OPCML: variants seen among roughly 807,000 people sequenced by gnomAD.
The protein encoded by OPCML is opioid binding protein/cell adhesion molecule like.
In OPCML, 13 loss-of-function variants were observed where a neutral mutation model predicts 37.8. That is an observed-to-expected ratio of 0.34 (90% CI 0.22 to 0.55). OPCML has a LOEUF of 0.55. Among genes scored for constraint, OPCML ranks in the 20% least tolerant of loss-of-function variants. The probability of loss-of-function intolerance (pLI) is 0.91; values close to 1 mark genes in which losing one functional copy is unlikely to be tolerated. For missense variants in OPCML, 341 were observed against 435.6 expected, an observed-to-expected ratio of 0.78 and a Z score of 1.93; for synonymous variants, 176 against 168.8, an observed-to-expected ratio of 1.04 and a Z score of -0.33.
intron 1 of OPCML, among the ~76,000 whole-genome samples, chr11:133,013,243 A>T (rs2136880665): frequency 6.6e-6 from 1 of 152,324 alleles, no homozygotes; most frequent in African/African-American, 2.4e-5. Context: ...TAAAAAACAC[A>T]AGAACATTTT....
At chr11:132,898,783 T>C (rs1316479810) in intron 2 of OPCML, among the ~76,000 whole-genome samples, 3 of 151,968 alleles carry the variant, frequency 2.0e-5, no homozygotes, top group Non-Finnish European at 4.4e-5. Flanking sequence ...CCAGAGAGAG[T>C]AATGTTTCCA....
intron 2 of OPCML, among the ~76,000 whole-genome samples, chr11:132,839,688 C>T (rs1027672008): frequency 6.6e-6 from 1 of 152,170 alleles, no homozygotes; most frequent in Admixed American, 6.5e-5. Context: ...TCCCTCCTCC[C>T]TCTCACTCTC....
chr11:133,316,542 G>A (rs1002827592), intron 1 of OPCML, among the ~76,000 whole-genome samples: 3 of 152,144 alleles, frequency 2.0e-5, no homozygotes, highest in African/African-American at 7.2e-5. Flanking sequence ...ATGATGGGTT[G>A]ATGGGTGCAG....
At chr11:132,429,992 G>T (rs1401149841) in intron 7 of OPCML, among the ~76,000 whole-genome samples, 1 of 152,170 alleles carries the variant, frequency 6.6e-6, no homozygotes. Context: ...ACATAAGCCA[G>T]AAGTGGGGCA....
intron 2 of OPCML, 99 bp downstream of exon 2, chr11:132,942,827 G>A (rs1945626837): frequency 6.7e-7 from 1 of 1,488,496 alleles, no homozygotes; most frequent in East Asian, 2.3e-5. Flanking sequence ...AGGCCCACTC[G>A]CGTTCCGGTC....
chr11:132,882,147 C>G (rs533056426), intron 2 of OPCML, among the ~76,000 whole-genome samples: 1 of 152,222 alleles, frequency 6.6e-6, no homozygotes, highest in East Asian at 1.9e-4. Context: ...GAAAAAGAAA[C>G]AACCAATGAT....
Position 133,173,712 on chromosome 11 carries a change from A to C in OPCML, c.62-230702T>G, listed in dbSNP as rs1352195299. ...GAACCATCAGCACCGACTTAGCTTC[A>C]ATCCTGTGGCAGTTTAAGAATCTCT... On this transcript the variant is annotated intron_variant, in intron 1 of 7. Coordinates refer to ENST00000524381, the MANE Select transcript of OPCML (RefSeq NM_001012393.5). The surrounding 1 kb of genome is among the most constrained non-coding windows in gnomAD (Gnocchi z 7.8). Among the ~76,000 whole-genome samples the C allele has an allele frequency of 6.6e-6, 1 of 152,234 alleles. No individual in the cohort carries two copies. Among genetic ancestry groups the C allele is most frequent in the African/African-American group, 2.4e-5 (1 of 41,462 alleles).
At chr11:133,207,919 G>T (rs879691714) in intron 1 of OPCML, among the ~76,000 whole-genome samples, 1 of 152,042 alleles carries the variant, frequency 6.6e-6, no homozygotes, top group African/African-American at 2.4e-5. Flanking sequence ...GTTTTACTTC[G>T]CCGCAGGGTC....
At chr11:132,886,842 C>G (rs1400825975) in intron 2 of OPCML, among the ~76,000 whole-genome samples, 1 of 152,166 alleles carries the variant, frequency 6.6e-6, no homozygotes, top group East Asian at 1.9e-4. Flanking sequence ...GTCCTCTGAC[C>G]TTGAGTGTTT....
intron 1 of OPCML, among the ~76,000 whole-genome samples, chr11:133,027,989 A>AT (rs1006353767): frequency 1.8e-4 from 28 of 151,836 alleles, no homozygotes; most frequent in Non-Finnish European, 2.9e-4. Context: ...GTGAATAAAT[A>AT]TTTTTTAAAA....
intron 1 of OPCML, among the ~76,000 whole-genome samples, chr11:133,073,007 C>G (rs539060378): frequency 1.3e-4 from 20 of 152,306 alleles, no homozygotes; most frequent in Admixed American, 1.2e-3. Context: ...GAAGCCAGCA[C>G]AGAGAGAGCT....
chr11:133,360,097 AC>A (rs1411617964), intron 1 of OPCML: 1 of 152,240 alleles, frequency 6.6e-6, no homozygotes, highest in Non-Finnish European at 1.5e-5. Flanking sequence ...TGTGCCAGGC[AC>A]CGTGCTAGGA....
chr11:132,799,271 A>G (rs928188913), intron 2 of OPCML, among the ~76,000 whole-genome samples: 6 of 152,178 alleles, frequency 3.9e-5, no homozygotes, highest in African/African-American at 1.4e-4. Flanking sequence ...AGATCTCTGG[A>G]TAACTTGCTG....
chr11:132,560,661 T>G (rs1021537396), intron 3 of OPCML, among the ~76,000 whole-genome samples: 1 of 152,232 alleles, frequency 6.6e-6, no homozygotes, highest in African/African-American at 2.4e-5. Context: ...TGGTTTTGAT[T>G]TACATTTCCC....
chr11:133,474,925 C>T lies in OPCML; in HGVS notation c.61+57339G>A, dbSNP rs1055948389. On this transcript the variant is annotated intron_variant, in intron 1 of 7. Coordinates refer to ENST00000524381, the MANE Select transcript of OPCML (RefSeq NM_001012393.5). The stretch of plus-strand genomic sequence containing the variant: ...GAGGATCCTCAGGAGGTACCAGTGA[C>T]GTGCACACATATGGGAGGGAATGCT... Among the ~76,000 whole-genome samples the T allele has an allele frequency of 8.5e-5, 13 of 152,122 alleles. No homozygotes were observed. In the East Asian group the frequency reaches 1.9e-3, roughly 23 times the overall value.
intron 1 of OPCML, among the ~76,000 whole-genome samples, chr11:133,088,762 T>C (rs1948857871): frequency 1.3e-5 from 2 of 152,196 alleles, no homozygotes; most frequent in Non-Finnish European, 1.5e-5. Context: ...TCATTCATGT[T>C]ACCAACCCAG....
intron 1 of OPCML, among the ~76,000 whole-genome samples, chr11:133,209,795 T>G (rs1296056605): frequency 1.3e-5 from 2 of 152,226 alleles, no homozygotes; most frequent in African/African-American, 4.8e-5. Flanking sequence ...AAGGCAGAAC[T>G]CATTCATCCA....
intron 2 of OPCML, among the ~76,000 whole-genome samples, chr11:132,802,208 C>A (rs1360705866): frequency 6.6e-6 from 1 of 152,194 alleles, no homozygotes; most frequent in Non-Finnish European, 1.5e-5. Flanking sequence ...CCTCTTAACT[C>A]TTTCTCCTCC....
chr11:133,170,886 G>A lies in OPCML; in HGVS notation c.62-227876C>T, dbSNP rs182838966. The stretch of plus-strand genomic sequence containing the variant: ...AGCACAATTAGCCAGCTCCTCATGA[G>A]CAAAGAAGTGGTCAGTAAGGAGAAA... On this transcript the variant is annotated intron_variant, in intron 1 of 7. Transcript: ENST00000524381. 7.2e-5 allele frequency among the ~76,000 whole-genome samples: 11 copies of A among 152,298 alleles called. 1 individual carries two copies. Among genetic ancestry groups the A allele is most frequent in the Admixed American group, 6.5e-4 (10 of 15,296 alleles).
Sources: gnomAD v4.1 joint callset for allele counts (sites outside exome capture counted in the v4.1 genomes callset) on GRCh38, gnomAD v4.1.1 for gene constraint, Gnocchi (gnomAD v3.1) non-coding constraint, MANE v1.5 for transcripts, NCBI Gene and HGNC (gene_info 2026-07-23, HGNC 2026-07-21) for gene names.